The following KDM4B variants were observed in gnomAD, a reference collection of about 807,000 sequenced individuals.
KDM4B encodes lysine demethylase 4B.
KDM4B carries 32 observed loss-of-function variants against 125.2 expected under a neutral mutation model. That is an observed-to-expected ratio of 0.26 (90% CI 0.19 to 0.34). The LOEUF (loss-of-function observed/expected upper bound fraction) is 0.34, where lower values mean the gene tolerates loss of function less well. Among genes scored for constraint, KDM4B ranks in the 10% least tolerant of loss-of-function variants. KDM4B has a pLI of 1.00. For synonymous variants in KDM4B, 721 were observed against 677.9 expected (o/e 1.06, Z -0.99); for missense variants, 1,190 against 1,577.7 (o/e 0.75, Z 4.16).
intron 6 of KDM4B, among the ~76,000 whole-genome samples, chr19:5,062,803 T>TAC: frequency 7.6e-6 from 1 of 131,048 alleles, no homozygotes; most frequent in African/African-American, 2.9e-5. Flanking sequence ...TTTTTAGAGA[T>TAC]AGAGTTTCCC....
intron 13 of KDM4B, among the ~76,000 whole-genome samples, chr19:5,132,541 G>A (rs762155498): frequency 5.9e-5 from 9 of 152,104 alleles, no homozygotes; most frequent in Non-Finnish European, 1.2e-4. Flanking sequence ...AATTGGAGGG[G>A]TGGGGAGAGG....
At position 5,132,391 on chromosome 19, in the gene KDM4B, G is replaced by A. The variant is rs147464996; in HGVS notation, c.1906+384G>A. On this transcript the variant is annotated intron_variant, in intron 13 of 22. Transcript: ENST00000159111. ...TGGGAGGGGAGGAGATGGAATCTTC[G>A]ATTTAACCCTCAGCCGAGAGCTGCT... 9.4e-3 allele frequency among the ~76,000 whole-genome samples: 1,436 copies of A among 152,312 alleles called. 19 individuals are homozygous for A. The highest frequency in any genetic ancestry group is 0.033 in the African/African-American group (1,381 of 41,566).
At chr19:5,029,757 G>A (rs2036391946) in intron 2 of KDM4B, among the ~76,000 whole-genome samples, 1 of 152,216 alleles carries the variant, frequency 6.6e-6, no homozygotes, top group South Asian at 2.1e-4. Context: ...AGCCCAGGAG[G>A]TTGAGGCTGC....
At chr19:5,125,405 G>A (rs1436575942) in intron 11 of KDM4B, among the ~76,000 whole-genome samples, 1 of 152,168 alleles carries the variant, frequency 6.6e-6, no homozygotes, top group Non-Finnish European at 1.5e-5. Flanking sequence ...TGGATGGGCG[G>A]CTTTCCTCCC....
At chr19:5,130,670 C>T (rs551624145) in intron 11 of KDM4B, among the ~76,000 whole-genome samples, 10 of 152,358 alleles carry the variant, frequency 6.6e-5, no homozygotes, top group African/African-American at 2.4e-4. Context: ...GCTTCTCCCC[C>T]ACCTCCACCG....
At chr19:5,034,186 G>C (rs1285082081) in intron 3 of KDM4B, among the ~76,000 whole-genome samples, 1 of 152,252 alleles carries the variant, frequency 6.6e-6, no homozygotes, top group Non-Finnish European at 1.5e-5. Flanking sequence ...GGCTCTGAAG[G>C]TGGCTGCCGT....
chr19:5,018,028 T>C (rs60951857), intron 2 of KDM4B, among the ~76,000 whole-genome samples: 36,949 of 150,478 alleles, frequency 0.25, 4,703 homozygotes, highest in Non-Finnish European at 0.29. Context: ...CGTGAGCCAC[T>C]GTGCCCAGCC....
chr19:5,077,623 C>A, intron 8 of KDM4B, 153 bp downstream of exon 8: 2 of 623,934 alleles, frequency 3.2e-6, no homozygotes, highest in South Asian at 1.9e-5. Flanking sequence ...CATGGCTCAG[C>A]AGTTAGCCTC....
At chr19:5,025,248 G>T (rs1194024729) in intron 2 of KDM4B, among the ~76,000 whole-genome samples, 1 of 152,264 alleles carries the variant, frequency 6.6e-6, no homozygotes, top group Admixed American at 6.5e-5. Context: ...TTGGGAGGCC[G>T]AGATGAGGGG....
chr19:5,109,486 G>T (rs951109027), intron 9 of KDM4B, among the ~76,000 whole-genome samples: 2 of 152,274 alleles, frequency 1.3e-5, no homozygotes, highest in South Asian at 4.2e-4. Flanking sequence ...GGCTGAGGGC[G>T]TGAGAGCGGC....
At chr19:5,008,056 G>A (rs1049772428) in intron 1 of KDM4B, among the ~76,000 whole-genome samples, 1 of 152,286 alleles carries the variant, frequency 6.6e-6, no homozygotes, top group Admixed American at 6.5e-5. Context: ...TGGGAGGATC[G>A]TTTGAGGCCA....
intron 7 of KDM4B, chr19:5,076,076 C>A (rs36108928): frequency 0.049 from 6,908 of 142,044 alleles, 78 homozygotes; most frequent in Middle Eastern, 0.075. Context: ...CTCTCGTTGA[C>A]TGAGTGACGA....
chr19:5,077,359 G>C lies in KDM4B; in HGVS notation c.677-8G>C. ...CCAGGAGACTGACGTCTGTCTTTTC[G>C]GCCCTAGGCTTCTTCCCCGGGAGCT... On this transcript the variant is annotated splice_polypyrimidine_tract_variant and splice_region_variant and intron_variant, in intron 7 of 22. Coordinates refer to ENST00000159111, the MANE Select transcript of KDM4B (RefSeq NM_015015.3). The C allele has an allele frequency of 6.2e-7, 1 of 1,611,234 alleles. No individual in the cohort carries two copies. Among genetic ancestry groups the C allele is most frequent in the Non-Finnish European group, 8.5e-7 (1 of 1,179,212 alleles).
chr19:4,993,658 TGGA>T (rs2035100523), intron 1 of KDM4B, among the ~76,000 whole-genome samples: 1 of 152,108 alleles, frequency 6.6e-6, no homozygotes. Flanking sequence ...TTGCCCAGTC[TGGA>T]GTGCAGTGTT....
chr19:5,069,454 C>T (rs564694644), intron 6 of KDM4B, among the ~76,000 whole-genome samples: 2 of 151,964 alleles, frequency 1.3e-5, no homozygotes, highest in Non-Finnish European at 2.9e-5. Context: ...GGATTACAGG[C>T]GCCTGCCACC....
chr19:5,138,059 C>T lies in KDM4B; in HGVS notation c.2539C>T (p.Arg847Trp). The stretch of plus-strand genomic sequence containing the variant: ...GGACATCAGCGCCATCCCCGAGCAG[C>T]GGTGGAAGCTGGTAGGTCCTTGCGG... ...PVDISAIPEQRWKLKCVYCRK... is the reference protein window; with the variant it reads ...PVDISAIPEQWWKLKCVYCRK... Residue 847 changes from arginine (R) to tryptophan (W), a missense_variant, in exon 18 of 23, where the codon CGG becomes TGG. Around this residue, in one of 7 missense-constraint regions of KDM4B, gnomAD observed 298 missense variants for 439.7 expected, o/e 0.68. Coordinates refer to ENST00000159111, the MANE Select transcript of KDM4B (RefSeq NM_015015.3). 1 of 1,611,934 alleles carries T rather than the reference C, an allele frequency of 6.2e-7. No individual in the cohort carries two copies. Among genetic ancestry groups the T allele is most frequent in the Non-Finnish European group, 8.5e-7 (1 of 1,179,578 alleles).
At chr19:5,055,214 G>T (rs986424251) in intron 6 of KDM4B, among the ~76,000 whole-genome samples, 1 of 152,276 alleles carries the variant, frequency 6.6e-6, no homozygotes, top group South Asian at 2.1e-4. Flanking sequence ...AACACCTCTC[G>T]GCCAGGGTGA....
At chr19:5,101,762 G>A (rs773794014) in intron 9 of KDM4B, among the ~76,000 whole-genome samples, 28 of 151,640 alleles carry the variant, frequency 1.8e-4, no homozygotes, top group Admixed American at 7.2e-4. Context: ...GGCCTCACTC[G>A]GTGCTTTTCC....
At chr19:5,096,218 C>T (rs913287510) in intron 9 of KDM4B, among the ~76,000 whole-genome samples, 2 of 151,758 alleles carry the variant, frequency 1.3e-5, no homozygotes, top group Admixed American at 1.3e-4. Context: ...CCCTGAGTAG[C>T]TGGGACTACA....
Sources: allele counts gnomAD v4.1 joint callset (sites outside exome capture counted in the v4.1 genomes callset), GRCh38; gene constraint gnomAD v4.1.1; regional missense constraint gnomAD v4.1.1; transcripts MANE v1.5; gene names NCBI Gene and HGNC (gene_info 2026-07-23, HGNC 2026-07-21).